Variants in THRB observed in about 807,000 individuals in gnomAD.
THRB encodes nuclear receptor subfamily 1 group A member 2.
A neutral mutation model predicts 47.8 loss-of-function variants in THRB; 12 were observed. The ratio of observed to expected loss-of-function variants is 0.25; its 90% CI spans 0.16 to 0.41. THRB has a LOEUF of 0.41. Ranked by LOEUF, THRB falls within the 10% of genes least tolerant of loss-of-function variation. The probability of loss-of-function intolerance (pLI) is 1.00; values close to 1 mark genes in which losing one functional copy is unlikely to be tolerated. For missense variants in THRB, 348 were observed against 589.2 expected (o/e 0.59, Z 4.24); for synonymous variants, 218 against 212.2 (o/e 1.03, Z -0.24).
At chr3:24,322,270 G>C (rs146368235) in intron 2 of THRB, among the ~76,000 whole-genome samples, 47 of 152,258 alleles carry the variant, frequency 3.1e-4, no homozygotes, top group African/African-American at 1.1e-3. Context: ...TAAACCAGTA[G>C]TAGAAGCTTA....
At chr3:24,476,602 A>ACT (rs1560283825) in intron 1 of THRB, among the ~76,000 whole-genome samples, 1 of 152,198 alleles carries the variant, frequency 6.6e-6, no homozygotes, top group African/African-American at 2.4e-5. Context: ...CCAATTTGGG[A>ACT]ACATCCTGTG....
In THRB at chr3:24,285,745, A is replaced by G. The variant is rs185371334; in HGVS notation, c.-43+11481T>C. The stretch of plus-strand genomic sequence containing the variant: ...TTCTGCTATCATATAAACAATTGCT[A>G]AATTATACCTATTCTTAACCTAGAG... On this transcript the variant is annotated intron_variant, in intron 3 of 10. Coordinates refer to ENST00000646209, the MANE Select transcript of THRB (RefSeq NM_001354712.2). Among the ~76,000 whole-genome samples, 15 of 152,246 alleles carry G rather than the reference A, an allele frequency of 9.9e-5. No individual in the cohort carries two copies. In the East Asian group the frequency reaches 2.5e-3, roughly 25 times the overall value.
At chr3:24,272,665 C>A (rs1228008492) in intron 3 of THRB, among the ~76,000 whole-genome samples, 2 of 152,148 alleles carry the variant, frequency 1.3e-5, no homozygotes, top group Non-Finnish European at 1.5e-5. Context: ...GACAAGAGGA[C>A]AGAACTAATT....
intron 5 of THRB, among the ~76,000 whole-genome samples, chr3:24,182,502 C>G (rs921203013): frequency 2.0e-5 from 3 of 152,194 alleles, no homozygotes; most frequent in Non-Finnish European, 4.4e-5. Flanking sequence ...ATATTCCTGG[C>G]TTTAGAAACT....
chr3:24,469,245 G>C (rs2074379876), intron 1 of THRB, among the ~76,000 whole-genome samples: 2 of 152,162 alleles, frequency 1.3e-5, no homozygotes, highest in African/African-American at 2.4e-5. Flanking sequence ...TCCAGAACCA[G>C]CTGGATCCGT....
chr3:24,395,422 G>A (rs574595720), intron 1 of THRB, among the ~76,000 whole-genome samples: 72 of 152,154 alleles, frequency 4.7e-4, no homozygotes, highest in African/African-American at 1.7e-3. Flanking sequence ...ACTCAATAAT[G>A]ATAAAACGAA....
intron 2 of THRB, among the ~76,000 whole-genome samples, chr3:24,312,781 A>G (rs1396759936): frequency 6.6e-6 from 1 of 152,210 alleles, no homozygotes; most frequent in Non-Finnish European, 1.5e-5. Flanking sequence ...GGCCATGTGG[A>G]AGAGCGAATA....
chr3:24,445,750 G>A (rs1368116148), intron 1 of THRB, among the ~76,000 whole-genome samples: 1 of 151,984 alleles, frequency 6.6e-6, no homozygotes, highest in East Asian at 1.9e-4. Flanking sequence ...GCCTCTCCTA[G>A]GAACTGTCCA....
chr3:24,295,043 A>C (rs548401199), intron 3 of THRB, among the ~76,000 whole-genome samples: 1 of 152,306 alleles, frequency 6.6e-6, no homozygotes, highest in South Asian at 2.1e-4. Context: ...TGTAACTATG[A>C]TACCAACTCA....
chr3:24,298,024 G>A (rs1195339948), intron 2 of THRB, among the ~76,000 whole-genome samples: 1 of 152,098 alleles, frequency 6.6e-6, no homozygotes, highest in South Asian at 2.1e-4. Flanking sequence ...AAACTCTTAG[G>A]TCAGTTTGAT....
chr3:24,162,214 A>G (rs1403933196), intron 5 of THRB, among the ~76,000 whole-genome samples: 1 of 152,066 alleles, frequency 6.6e-6, no homozygotes, highest in Non-Finnish European at 1.5e-5. Flanking sequence ...AAAAAAGTCA[A>G]CTTTTTACTT....
chr3:24,224,401 T>C (rs897210836), intron 4 of THRB, among the ~76,000 whole-genome samples: 31 of 152,132 alleles, frequency 2.0e-4, no homozygotes, highest in Non-Finnish European at 3.8e-4. Context: ...ATGTTAACAA[T>C]ATGTACAGTG....
At chr3:24,132,402 G>A (rs1045945586) in intron 9 of THRB, among the ~76,000 whole-genome samples, 1 of 152,206 alleles carries the variant, frequency 6.6e-6, no homozygotes, top group Non-Finnish European at 1.5e-5. Context: ...AATAAAAGCA[G>A]TATTAGCAGT....
At chr3:24,343,251 T>C (rs574135167) in intron 1 of THRB, among the ~76,000 whole-genome samples, 2 of 152,246 alleles carry the variant, frequency 1.3e-5, no homozygotes, top group African/African-American at 4.8e-5. Context: ...TGCATAGCTG[T>C]TGCATGGATT....
chr3:24,132,484 A>T (rs1182884991), intron 9 of THRB, among the ~76,000 whole-genome samples: 1 of 152,228 alleles, frequency 6.6e-6, no homozygotes, highest in Admixed American at 6.5e-5. Flanking sequence ...CCACTTAAAA[A>T]ACCTTTCAAC....
intron 5 of THRB, among the ~76,000 whole-genome samples, chr3:24,166,332 T>A (rs1235185511): frequency 6.6e-6 from 1 of 152,160 alleles, no homozygotes; most frequent in African/African-American, 2.4e-5. Context: ...TGTTGGTGCT[T>A]AACAGTACTC....
intron 4 of THRB, among the ~76,000 whole-genome samples, chr3:24,228,648 A>G (rs1429634426): frequency 6.6e-6 from 1 of 151,770 alleles, no homozygotes; most frequent in East Asian, 1.9e-4. Context: ...AAAAAAAAAA[A>G]AAAAGGAAAA....
At chr3:24,421,040 C>A (rs1352179767) in intron 1 of THRB, among the ~76,000 whole-genome samples, 1 of 151,914 alleles carries the variant, frequency 6.6e-6, no homozygotes, top group Admixed American at 6.6e-5. Context: ...GAGGTCATAT[C>A]TTTTGCAGGA....
intron 3 of THRB, among the ~76,000 whole-genome samples, chr3:24,250,780 T>G (rs1306534913): frequency 6.6e-6 from 1 of 152,166 alleles, no homozygotes; most frequent in Non-Finnish European, 1.5e-5. Flanking sequence ...CAATAGTGGT[T>G]GTTTAACCTA....
Sources: gnomAD v4.1 joint callset for allele counts (sites outside exome capture counted in the v4.1 genomes callset) on GRCh38, gnomAD v4.1.1 for gene constraint, MANE v1.5 for transcripts, NCBI Gene and HGNC (gene_info 2026-07-23, HGNC 2026-07-21) for gene names.